The following FHAD1 variants were observed in gnomAD, a reference collection of about 807,000 sequenced individuals.
The protein encoded by FHAD1 is forkhead-associated domain-containing protein 1.
A neutral mutation model predicts 191.3 loss-of-function variants in FHAD1; 146 were observed. The ratio of observed to expected loss-of-function variants is 0.76; its 90% CI spans 0.67 to 0.88. The LOEUF is 0.88. Among genes scored for constraint, FHAD1 ranks in the 40% least tolerant of loss-of-function variants. The pLI is 0.00. For synonymous variants in FHAD1, 616 were observed against 672.3 expected (o/e 0.92, Z 1.29); for missense variants, 1,635 against 1,785.8 (o/e 0.92, Z 1.52).
chr1:15,293,261 G>T (rs1250321037), intron 4 of FHAD1, among the ~76,000 whole-genome samples: 1 of 152,160 alleles, frequency 6.6e-6, no homozygotes, highest in Non-Finnish European at 1.5e-5. Context: ...CCCAACCCTT[G>T]CCCCCAGAGG....
chr1:15,349,779 G>A (rs1238575091), intron 19 of FHAD1, among the ~76,000 whole-genome samples: 2 of 152,172 alleles, frequency 1.3e-5, no homozygotes, highest in Non-Finnish European at 2.9e-5. Context: ...GGGCACCCCA[G>A]GACAGACTGA....
chr1:15,279,342 C>G (rs1659637356), intron 3 of FHAD1, among the ~76,000 whole-genome samples: 1 of 152,038 alleles, frequency 6.6e-6, no homozygotes, highest in Admixed American at 6.5e-5. Flanking sequence ...GAAGAAGTAG[C>G]TGAAGTTATT....
At chr1:15,305,838 CT>C in intron 6 of FHAD1, 1 of 410,734 alleles carries the variant, frequency 2.4e-6, no homozygotes, top group Non-Finnish European at 4.8e-6. Flanking sequence ...AATTAAATCT[CT>C]TTTTCTTCCC....
At chr1:15,250,550 A>T (rs3753323) in intron 1 of FHAD1, among the ~76,000 whole-genome samples, 9,941 of 152,288 alleles carry the variant, frequency 0.065, 647 homozygotes, top group East Asian at 0.25. Flanking sequence ...TCCTGATTAC[A>T]TGGCTGAGCT....
downstream of FHAD1, among the ~76,000 whole-genome samples, chr1:15,402,582 A>G (rs895003273): frequency 3.9e-5 from 6 of 152,206 alleles, no homozygotes; most frequent in Non-Finnish European, 5.9e-5. Context: ...AATAGCTAAT[A>G]ATAGTAACTA....
At chr1:15,257,942 A>C (rs1649085013) in intron 2 of FHAD1, among the ~76,000 whole-genome samples, 1 of 152,110 alleles carries the variant, frequency 6.6e-6, no homozygotes, top group South Asian at 2.1e-4. Context: ...CCTGGGTTTA[A>C]GTGATTCTTG....
At chr1:15,299,721 C>A (rs1668146114) in intron 5 of FHAD1, among the ~76,000 whole-genome samples, 2 of 152,242 alleles carry the variant, frequency 1.3e-5, no homozygotes, top group South Asian at 4.1e-4. Flanking sequence ...CAGTGCCCAG[C>A]ACAAGCGTGG....
Position 15,381,228 on chromosome 1 carries a change from T to C in FHAD1, c.3802-3T>C. On this transcript the variant is annotated splice_region_variant and splice_polypyrimidine_tract_variant and intron_variant, in intron 29 of 33. Transcript: ENST00000688493. This position sits in a 1 kb window ranked among gnomAD's most constrained non-coding sequence, Gnocchi z 4.6. ...CTCTTATGCGCGAACGTTTTCCTTG[T>C]AGTACCTGGATATGAGCAAAACCCT... 4.5e-6 allele frequency: 7 copies of C among 1,549,664 alleles called. No homozygotes were observed. The highest frequency in any genetic ancestry group is 2.4e-5 in the East Asian group (1 of 40,888).
At chr1:15,281,517 T>C (rs2100276277) in intron 3 of FHAD1, among the ~76,000 whole-genome samples, 1 of 152,138 alleles carries the variant, frequency 6.6e-6, no homozygotes. Flanking sequence ...TCTGGCACTT[T>C]GGGAAGTCAA....
chr1:15,246,872 G>A (rs1441306605), upstream of FHAD1, among the ~76,000 whole-genome samples: 2 of 152,048 alleles, frequency 1.3e-5, no homozygotes, highest in Non-Finnish European at 2.9e-5. Context: ...GATTTGGGTA[G>A]GGCAGGGGGC....
At chr1:15,275,645 T>G (rs1449947695) in intron 3 of FHAD1, among the ~76,000 whole-genome samples, 1 of 152,170 alleles carries the variant, frequency 6.6e-6, no homozygotes, top group Non-Finnish European at 1.5e-5. Flanking sequence ...TCCCTTTCTA[T>G]TTGCCTGATG....
chr1:15,260,701 T>C (rs1316634750), intron 2 of FHAD1, among the ~76,000 whole-genome samples: 2 of 152,208 alleles, frequency 1.3e-5, no homozygotes, highest in Non-Finnish European at 2.9e-5. Context: ...GCAACAATGG[T>C]TCTAGTCTTT....
Position 15,373,760 on chromosome 1 carries a change from T to G in FHAD1, c.3448-742T>G, listed in dbSNP as rs554145027. Among the ~76,000 whole-genome samples, 5 of 152,206 alleles carry G rather than the reference T, an allele frequency of 3.3e-5. No homozygotes were observed. The East Asian group carries it at 9.7e-4, about 29-fold the overall frequency. On this transcript the variant is annotated intron_variant, in intron 26 of 33. Transcript: ENST00000688493. ...AGTTCCAGCTGCAGAGCTGGAAGGATCGCTTGAGCGCAGAGGTAGAGGCTA... is the reference window on the plus strand; with the variant it reads ...AGTTCCAGCTGCAGAGCTGGAAGGAGCGCTTGAGCGCAGAGGTAGAGGCTA...
At chr1:15,374,230 A>G (rs943274917) in intron 26 of FHAD1, among the ~76,000 whole-genome samples, 22 of 152,360 alleles carry the variant, frequency 1.4e-4, no homozygotes, top group Non-Finnish European at 2.4e-4. Flanking sequence ...GGCATAGAAC[A>G]GTATTAGAAG....
chr1:15,380,240 A>G (rs968755354), intron 28 of FHAD1, among the ~76,000 whole-genome samples: 1 of 152,074 alleles, frequency 6.6e-6, no homozygotes, highest in Non-Finnish European at 1.5e-5. Flanking sequence ...AGGCCTTAGC[A>G]CTGTTGATAT....
chr1:15,383,322 C>T, intron 31 of FHAD1: 1 of 447,222 alleles, frequency 2.2e-6, no homozygotes, highest in Non-Finnish European at 4.5e-6. Context: ...TGCCCAGGGC[C>T]TGGCACCAGC....
intron 32 of FHAD1, 123 bp from the exon 33 acceptor site, chr1:15,391,087 C>A: frequency 3.0e-6 from 1 of 337,622 alleles, no homozygotes; most frequent in Admixed American, 4.8e-5. Context: ...AATGCTGTCC[C>A]TGGGAAGGCC....
chr1:15,236,761 G>A (rs554161128), exon 1 of FHAD1, among the ~76,000 whole-genome samples: 258 of 152,278 alleles, frequency 1.7e-3, no homozygotes, highest in African/African-American at 5.6e-3. Flanking sequence ...TTTCATTTAC[G>A]GTAACCAGTT....
At chr1:15,388,218 G>C (rs977084559) in intron 32 of FHAD1, 87 bp downstream of exon 32, 2 of 814,542 alleles carry the variant, frequency 2.5e-6, no homozygotes, top group African/African-American at 3.9e-5. Context: ...ATGCCTGCAC[G>C]CGCTGCCCAA....
Sources: allele counts gnomAD v4.1 joint callset (sites outside exome capture counted in the v4.1 genomes callset), GRCh38; gene constraint gnomAD v4.1.1; non-coding constraint Gnocchi (gnomAD v3.1); transcripts MANE v1.5; gene names NCBI Gene and HGNC (gene_info 2026-07-23, HGNC 2026-07-21).